The following CFAP20DC variants were observed in gnomAD, a reference collection of about 807,000 sequenced individuals.
The protein encoded by CFAP20DC is protein CFAP20DC.
In CFAP20DC, 84 loss-of-function variants were observed where a neutral mutation model predicts 101.7. That is an observed-to-expected ratio of 0.83 (90% CI 0.69 to 0.99). CFAP20DC has a LOEUF of 0.99. CFAP20DC is among the 50% of genes least tolerant of loss of function. CFAP20DC has a pLI of 0.00. For missense variants in CFAP20DC, 1,007 were observed against 970.3 expected, an observed-to-expected ratio of 1.04 and a Z score of -0.50; for synonymous variants, 359 against 351.2, an observed-to-expected ratio of 1.02 and a Z score of -0.25.
At chr3:58,810,885 T>C (rs1219959914) in intron 14 of CFAP20DC, among the ~76,000 whole-genome samples, 1 of 151,558 alleles carries the variant, frequency 6.6e-6, no homozygotes, top group Non-Finnish European at 1.5e-5. Flanking sequence ...TGTACAAAAA[T>C]CACAAGCATT....
chr3:59,012,813 AT>A (rs956258567), intron 4 of CFAP20DC, among the ~76,000 whole-genome samples: 15 of 151,842 alleles, frequency 9.9e-5, no homozygotes, highest in Middle Eastern at 3.4e-3. Flanking sequence ...TAAGAAAATT[AT>A]TTTTTTTCCT....
At chr3:58,933,761 A>G (rs536479558) in intron 5 of CFAP20DC, among the ~76,000 whole-genome samples, 280 of 151,868 alleles carry the variant, frequency 1.8e-3, no homozygotes, top group Non-Finnish European at 2.7e-3. Context: ...TCTCTGGGAC[A>G]CGTTCAAAGC....
In CFAP20DC at chr3:58,728,109, G is replaced by A. The variant is rs1036350813; in HGVS notation, c.198-10481C>T. 3 of 152,226 alleles carry A rather than the reference G, an allele frequency of 2.0e-5. No homozygotes were observed. The highest frequency in any genetic ancestry group is 2.9e-5 in the Non-Finnish European group (2 of 68,044). 9.4% of individuals were successfully genotyped at this position (152,226 alleles called of 1,614,324 possible). On this transcript the variant is annotated intron_variant, in intron 3 of 3. Transcript: ENST00000486145. The surrounding 1 kb of genome is among the most constrained non-coding windows in gnomAD (Gnocchi z 4.7). ...TTTGTGGACAGAATGAGCGACCATA[G>A]CATGGTATTGCATTTTGGTGAGCAT...
At chr3:59,024,011 G>A (rs1469123776) in intron 4 of CFAP20DC, among the ~76,000 whole-genome samples, 1 of 152,062 alleles carries the variant, frequency 6.6e-6, no homozygotes, top group Admixed American at 6.6e-5. Context: ...GGATTCAGAA[G>A]TGTCTAAAAA....
At chr3:58,771,180 C>T (rs142463361) in intron 15 of CFAP20DC, among the ~76,000 whole-genome samples, 1,536 of 151,396 alleles carry the variant, frequency 0.01, 19 homozygotes, top group African/African-American at 0.031. Context: ...TGTTCTCACT[C>T]ATAAGTGGGA....
chr3:59,044,502 GT>G (rs1045217964), intron 3 of CFAP20DC, among the ~76,000 whole-genome samples: 1 of 151,738 alleles, frequency 6.6e-6, no homozygotes, highest in East Asian at 1.9e-4. Context: ...AGATTTTTCT[GT>G]TTTTTTACAA....
chr3:59,026,029 C>A (rs2093886234), intron 4 of CFAP20DC, among the ~76,000 whole-genome samples: 1 of 152,042 alleles, frequency 6.6e-6, no homozygotes, highest in South Asian at 2.1e-4. Flanking sequence ...AAAACTTCCA[C>A]ATAAAACCTA....
chr3:58,908,122 A>ACCCTTTCACCTAAGGCTG (rs1305363820), intron 6 of CFAP20DC, among the ~76,000 whole-genome samples: 3 of 152,132 alleles, frequency 2.0e-5, no homozygotes, highest in Non-Finnish European at 4.4e-5. Flanking sequence ...AATCACTGTT[A>ACCCTTTCACCTAAGGCTG]CCCTTTCACC....
At chr3:58,807,064 G>A (rs1232419404) in intron 14 of CFAP20DC, among the ~76,000 whole-genome samples, 1 of 152,200 alleles carries the variant, frequency 6.6e-6, no homozygotes, top group African/African-American at 2.4e-5. Context: ...AAAGCAGCCA[G>A]GAAGCTCGAC....
intron 5 of CFAP20DC, among the ~76,000 whole-genome samples, chr3:58,936,312 T>G (rs994172585): frequency 8.5e-5 from 13 of 152,058 alleles, no homozygotes; most frequent in African/African-American, 2.9e-4. Flanking sequence ...AGGAACAATT[T>G]TACACTGTTG....
rs550564402 is a variant in CFAP20DC at position 58,971,324 on chromosome 3, CTTTT to C, written c.279-33566_279-33563del. 2.0e-5 allele frequency among the ~76,000 whole-genome samples: 3 copies of C among 152,062 alleles called. No individual in the cohort carries two copies. The South Asian group carries it at 6.2e-4, about 32-fold the overall frequency. ...TTCCAATTATTTATAGTCTTGAAAACTTTTTTTTAAAGTTTAAAATAAATTGCGC... is the reference window on the plus strand; with the variant it reads ...TTCCAATTATTTATAGTCTTGAAAACTTTTAAAGTTTAAAATAAATTGCGC... On this transcript the variant is annotated intron_variant, in intron 4 of 16. Transcript: ENST00000482387. The surrounding 1 kb of genome is among the most constrained non-coding windows in gnomAD (Gnocchi z 4.1).
chr3:58,900,564 T>A (rs1365987986), intron 6 of CFAP20DC, among the ~76,000 whole-genome samples: 2 of 152,244 alleles, frequency 1.3e-5, no homozygotes, highest in Non-Finnish European at 2.9e-5. Flanking sequence ...GACTGCCTGA[T>A]TAACATCTAG....
intron 6 of CFAP20DC, among the ~76,000 whole-genome samples, chr3:58,890,653 G>A (rs1484116968): frequency 6.7e-6 from 1 of 150,052 alleles, no homozygotes; most frequent in Non-Finnish European, 1.5e-5. Flanking sequence ...GGGCGGAGGG[G>A]CTCCTCTTTT....
chr3:58,908,966 A>T (rs1037188135), intron 6 of CFAP20DC, among the ~76,000 whole-genome samples: 14 of 152,244 alleles, frequency 9.2e-5, no homozygotes, highest in Non-Finnish European at 1.9e-4. Flanking sequence ...AAGACAATTT[A>T]AAAAAATGAG....
intron 6 of CFAP20DC, among the ~76,000 whole-genome samples, chr3:58,890,258 G>A (rs1211808897): frequency 1.1e-4 from 16 of 149,796 alleles, no homozygotes; most frequent in Middle Eastern, 3.5e-3. Context: ...AGGGGCCGCC[G>A]GGCAGAGGCA....
chr3:59,048,670 C>T (rs989494322), intron 1 of CFAP20DC, among the ~76,000 whole-genome samples: 6 of 152,026 alleles, frequency 3.9e-5, no homozygotes, highest in Admixed American at 1.3e-4. Flanking sequence ...CAGACTACTC[C>T]GAGAGCACTC....
At chr3:58,853,527 A>G (rs925741864) in intron 12 of CFAP20DC, among the ~76,000 whole-genome samples, 43 of 152,076 alleles carry the variant, frequency 2.8e-4, no homozygotes, top group Non-Finnish European at 3.7e-4. Context: ...CAGAGACACA[A>G]CCAAAAAAGA....
chr3:58,817,835 T>C (rs536317301), intron 14 of CFAP20DC, among the ~76,000 whole-genome samples: 2 of 152,028 alleles, frequency 1.3e-5, no homozygotes, highest in South Asian at 2.1e-4. Context: ...AGACACATAA[T>C]TGTCAGATTC....
At chr3:58,862,282 T>C (rs1280367029) in intron 12 of CFAP20DC, 1 of 985,280 alleles carries the variant, frequency 1.0e-6, no homozygotes, top group Non-Finnish European at 1.2e-6. Context: ...TCAGCCAGTT[T>C]AGACCATGGA....
Sources: allele counts gnomAD v4.1 joint callset (sites outside exome capture counted in the v4.1 genomes callset), GRCh38; gene constraint gnomAD v4.1.1; non-coding constraint Gnocchi (gnomAD v3.1); transcripts MANE v1.5; gene names NCBI Gene and HGNC (gene_info 2026-07-23, HGNC 2026-07-21).